ADGRD1: variants seen among roughly 807,000 people sequenced by gnomAD.
ADGRD1 encodes the protein G-protein coupled receptor 133.
ADGRD1 carries 77 observed loss-of-function variants against 113.4 expected under a neutral mutation model. That is an observed-to-expected ratio of 0.68 (90% CI 0.57 to 0.82). ADGRD1 has a LOEUF of 0.82. ADGRD1 is among the 40% of genes least tolerant of loss of function. The pLI is 0.00. For missense variants in ADGRD1, 1,036 were observed against 1,139.1 expected (o/e 0.91, Z 1.30); for synonymous variants, 474 against 475.0 (o/e 1.00, Z 0.03).
At chr12:130,983,497 G>A (rs1846369933) in intron 5 of ADGRD1, among the ~76,000 whole-genome samples, 1 of 152,172 alleles carries the variant, frequency 6.6e-6, no homozygotes, top group Non-Finnish European at 1.5e-5. Flanking sequence ...TGGGGCTGGT[G>A]GAACGTGGTT....
rs117085287 is a variant in ADGRD1, at chr12:131,004,772, G to T, written c.1255+476G>T. Among the ~76,000 whole-genome samples the T allele has an allele frequency of 5.0e-4, 76 of 152,310 alleles. 1 individual carries two copies. In the East Asian group the frequency reaches 0.013, roughly 26 times the overall value. On this transcript the variant is annotated intron_variant, in intron 11 of 24. Coordinates refer to ENST00000261654, the MANE Select transcript of ADGRD1 (RefSeq NM_198827.5). Reference sequence around the variant, plus strand: ...TTCAGGAACCTGGGGTTCCACTCCTGTGCAGGCCTCAGTCGAGTCACATAA... The same window carrying T: ...TTCAGGAACCTGGGGTTCCACTCCTTTGCAGGCCTCAGTCGAGTCACATAA...
intron 15 of ADGRD1, among the ~76,000 whole-genome samples, chr12:131,089,629 G>T (rs1368445277): frequency 1.8e-5 from 2 of 113,990 alleles, no homozygotes; most frequent in East Asian, 4.1e-4. Flanking sequence ...GGTGCTCCCG[G>T]CCAGTGAGTG....
chr12:130,977,903 T>A (rs2136570647), intron 4 of ADGRD1: 1 of 152,558 alleles, frequency 6.6e-6, no homozygotes, highest in South Asian at 2.1e-4. Context: ...GCATGCATGA[T>A]CTCCAAGGGA....
At position 130,954,391 on chromosome 12, in the gene ADGRD1, G is replaced by A. The variant is rs949946430; in HGVS notation, c.-75G>A. On this transcript the variant is annotated 5_prime_UTR_variant, in exon 1 of 25. Coordinates refer to ENST00000261654, the MANE Select transcript of ADGRD1 (RefSeq NM_198827.5). This position sits in a 1 kb window ranked among gnomAD's most constrained non-coding sequence, Gnocchi z 4.7. The stretch of plus-strand genomic sequence containing the variant: ...GAAAATGTCCCTTTTCCAAGGAAGT[G>A]AAGGTTAAGAGGTCCCGTTCTCACA... 2.3e-6 allele frequency: 3 copies of A among 1,288,044 alleles called. No individual in the cohort carries two copies. In the African/African-American group the frequency reaches 4.5e-5, roughly 19 times the overall value. The allele number at this position is 1,288,044 out of a possible 1,614,324, so 79.8% of individuals were successfully genotyped here.
At chr12:131,104,417 G>A (rs1042583840) in intron 15 of ADGRD1, among the ~76,000 whole-genome samples, 20 of 152,202 alleles carry the variant, frequency 1.3e-4, no homozygotes, top group Non-Finnish European at 2.4e-4. Context: ...TTTCACAGCC[G>A]AGTGTCACAT....
At chr12:130,989,210 GAA>G (rs1284695588) in intron 6 of ADGRD1, 1 of 152,194 alleles carries the variant, frequency 6.6e-6, no homozygotes, top group African/African-American at 2.4e-5. Flanking sequence ...TTGTCACTTT[GAA>G]ACCAAGATAT....
Position 131,108,897 on chromosome 12 carries a change from T to G in ADGRD1, c.2041+20T>G, listed in dbSNP as rs1315071047. Reference sequence around the variant, plus strand: ...GATGGGGTAGGTGGGGCAGGGCAGGTGGGATGGCGGGGCGGGAGGGACAGG... The same window carrying G: ...GATGGGGTAGGTGGGGCAGGGCAGGGGGGATGGCGGGGCGGGAGGGACAGG... On this transcript the variant is annotated intron_variant, in intron 18 of 24. Transcript: ENST00000261654. 9.0e-4 allele frequency: 420 copies of G among 468,058 alleles called. No individual in the cohort carries two copies. Among genetic ancestry groups the G allele is most frequent in the South Asian group, 3.5e-3 (106 of 30,372 alleles). 29.0% of individuals were successfully genotyped at this position (468,058 alleles called of 1,614,324 possible).
chr12:131,115,632 G>T (rs1950447237), intron 18 of ADGRD1, among the ~76,000 whole-genome samples: 1 of 152,172 alleles, frequency 6.6e-6, no homozygotes. Context: ...TCCCTCTGAA[G>T]GTCACCGTGT....
In ADGRD1 at chr12:130,966,004, G is replaced by T. The variant is rs1233817819; in HGVS notation, c.104-459G>T. On this transcript the variant is annotated intron_variant, in intron 2 of 24. Transcript: ENST00000261654. The surrounding 1 kb of genome is among the most constrained non-coding windows in gnomAD (Gnocchi z 4.6). ...ATGAAGTGAGGAAGTGCTTGTTAAG[G>T]ACCTCAGTGTCTGGCATACCATTCA... 2.0e-5 allele frequency among the ~76,000 whole-genome samples: 3 copies of T among 152,130 alleles called. No individual in the cohort carries two copies. Among genetic ancestry groups the T allele is most frequent in the Admixed American group, 1.3e-4 (2 of 15,272 alleles).
chr12:131,010,854 C>T (rs992445818), intron 12 of ADGRD1, among the ~76,000 whole-genome samples: 1 of 152,132 alleles, frequency 6.6e-6, no homozygotes, highest in Non-Finnish European at 1.5e-5. Context: ...AGATGGCTTT[C>T]CCCGGGCAGA....
intron 2 of ADGRD1, chr12:130,963,105 A>T (rs532970122): frequency 6.6e-5 from 10 of 152,058 alleles, no homozygotes; most frequent in African/African-American, 2.4e-4. Flanking sequence ...CGGATCACGA[A>T]GTCAGGAGAT....
At chr12:131,034,244 C>T (rs1185309694) in intron 13 of ADGRD1, among the ~76,000 whole-genome samples, 2 of 152,230 alleles carry the variant, frequency 1.3e-5, no homozygotes, top group African/African-American at 2.4e-5. Context: ...TCCCGCCATG[C>T]GTCTGCCTTG....
chr12:131,055,743 G>A (rs931117288), intron 13 of ADGRD1, among the ~76,000 whole-genome samples: 5 of 152,178 alleles, frequency 3.3e-5, no homozygotes, highest in East Asian at 1.9e-4. Context: ...AAATATGAAC[G>A]AGCACAGACT....
chr12:131,133,846 C>A (rs1951000307), intron 21 of ADGRD1, among the ~76,000 whole-genome samples: 1 of 152,184 alleles, frequency 6.6e-6, no homozygotes, highest in Non-Finnish European at 1.5e-5. Context: ...TTCCCCAGCA[C>A]CTTGCTATTC....
chr12:131,014,146 T>C (rs1416121247), intron 12 of ADGRD1, 53 bp from the exon 13 acceptor site: 13 of 1,576,468 alleles, frequency 8.2e-6, no homozygotes, highest in Admixed American at 6.9e-5. Context: ...GTTCTAGCTG[T>C]GTGCTGCTCC....
In ADGRD1 at chr12:131,105,651, CT is replaced by C; in HGVS notation, c.1776-102del. On this transcript the variant is annotated intron_variant, in intron 16 of 24. Transcript: ENST00000261654. ...GGAGTGACAGCAACCCCTCTGGCTG[CT>C]CTTGGAGGAATGGATATAGGGACTT... is the stretch of plus-strand genomic sequence containing the variant. 16 of 795,018 alleles carry C rather than the reference CT, an allele frequency of 2.0e-5. No individual in the cohort carries two copies. In the South Asian group the frequency reaches 2.3e-4, roughly 11 times the overall value. 49.2% of individuals were successfully genotyped at this position (795,018 alleles called of 1,614,324 possible).
intron 20 of ADGRD1, among the ~76,000 whole-genome samples, chr12:131,126,881 G>A (rs1950748450): frequency 6.6e-6 from 1 of 152,170 alleles, no homozygotes; most frequent in Admixed American, 6.5e-5. Flanking sequence ...GTACCATACA[G>A]CAAGGCATGG....
intron 4 of ADGRD1, among the ~76,000 whole-genome samples, chr12:130,980,334 G>A (rs1360746982): frequency 2.0e-5 from 3 of 151,964 alleles, no homozygotes; most frequent in African/African-American, 7.3e-5. Context: ...TCGATCTCCT[G>A]ACCTCATGAT....
chr12:131,136,862 G>A, intron 22 of ADGRD1, 111 bp from the exon 23 acceptor site: 1 of 877,862 alleles, frequency 1.1e-6, no homozygotes, highest in East Asian at 2.4e-5. Flanking sequence ...GGGACCTGGT[G>A]TCACAGTGTG....
Sources: gnomAD v4.1 joint callset for allele counts (sites outside exome capture counted in the v4.1 genomes callset) on GRCh38, gnomAD v4.1.1 for gene constraint, Gnocchi (gnomAD v3.1) non-coding constraint, MANE v1.5 for transcripts, NCBI Gene and HGNC (gene_info 2026-07-23, HGNC 2026-07-21) for gene names.